The following ADARB1 variants were observed in gnomAD, a reference collection of about 807,000 sequenced individuals.
The protein encoded by ADARB1 is double-stranded RNA-specific editase 1.
In ADARB1, 10 loss-of-function variants were observed where a neutral mutation model predicts 52.4. The ratio of observed to expected loss-of-function variants is 0.19; its 90% CI spans 0.12 to 0.32. The LOEUF (loss-of-function observed/expected upper bound fraction) is 0.32. Ranked by LOEUF, ADARB1 falls within the 10% of genes least tolerant of loss-of-function variation. The probability of loss-of-function intolerance (pLI) is 1.00; values close to 1 mark genes in which losing one functional copy is unlikely to be tolerated. For synonymous variants in ADARB1, 349 were observed against 371.1 expected (o/e 0.94, Z 0.68); for missense variants, 643 against 922.3 (o/e 0.70, Z 3.92).
At chr21:45,187,482 A>G (rs1376037064) in intron 8 of ADARB1, among the ~76,000 whole-genome samples, 1 of 152,106 alleles carries the variant, frequency 6.6e-6, no homozygotes, top group Non-Finnish European at 1.5e-5. Flanking sequence ...CTTCCTTTCC[A>G]TTTTGGATGC....
intron 2 of ADARB1, among the ~76,000 whole-genome samples, chr21:45,162,496 C>T (rs1305400891): frequency 4.6e-5 from 7 of 152,142 alleles, no homozygotes; most frequent in Non-Finnish European, 8.8e-5. Context: ...AGAATGAGCC[C>T]AGCAGGCCCA....
At chr21:45,114,787 A>T (rs764715551) in intron 1 of ADARB1, among the ~76,000 whole-genome samples, 1 of 152,218 alleles carries the variant, frequency 6.6e-6, no homozygotes, top group Non-Finnish European at 1.5e-5. Flanking sequence ...TGCTGCAGCC[A>T]TCTGCAGCAG....
chr21:45,079,756 G>T (rs192875253), intron 1 of ADARB1, among the ~76,000 whole-genome samples: 1 of 152,334 alleles, frequency 6.6e-6, no homozygotes, highest in East Asian at 1.9e-4. Context: ...TTATTTTTAT[G>T]ATTAGTTATC....
chr21:45,222,013 C>T lies in ADARB1; in HGVS notation c.1927-5C>T, dbSNP rs1013094511. 2 of 1,613,090 alleles carry T rather than the reference C, an allele frequency of 1.2e-6. No homozygotes were observed. The highest frequency in any genetic ancestry group is 1.7e-6 in the Non-Finnish European group (2 of 1,179,580). On this transcript the variant is annotated splice_region_variant and splice_polypyrimidine_tract_variant and intron_variant, in intron 10 of 10. Coordinates refer to ENST00000348831, the MANE Select transcript of ADARB1 (RefSeq NM_001112.4). ...AGTTGCATTTGTTTTTTTATCCCTT[C>T]ACAGGTTCCCTCCCACTTACTACGC...
intron 2 of ADARB1, among the ~76,000 whole-genome samples, chr21:45,143,685 G>A (rs2089856409): frequency 6.6e-6 from 1 of 152,212 alleles, no homozygotes; most frequent in Admixed American, 6.5e-5. Flanking sequence ...CAGACTGGCT[G>A]CCTGGCTGTT....
intron 1 of ADARB1, among the ~76,000 whole-genome samples, chr21:45,085,937 G>A (rs2086323830): frequency 6.6e-6 from 1 of 152,172 alleles, no homozygotes. Flanking sequence ...CCATAGGCAC[G>A]TGTTATGTGT....
At chr21:45,084,395 T>C (rs1193658479) in intron 1 of ADARB1, among the ~76,000 whole-genome samples, 1 of 151,496 alleles carries the variant, frequency 6.6e-6, no homozygotes, top group Non-Finnish European at 1.5e-5. Flanking sequence ...TGGAAAGAGG[T>C]GAGGTATAGG....
At chr21:45,126,482 T>G (rs2088590723) in intron 1 of ADARB1, among the ~76,000 whole-genome samples, 1 of 152,204 alleles carries the variant, frequency 6.6e-6, no homozygotes, top group Non-Finnish European at 1.5e-5. Flanking sequence ...TACTGTGATC[T>G]TAGTCACGGG....
chr21:45,077,788 T>C (rs2086002893), intron 1 of ADARB1, among the ~76,000 whole-genome samples: 1 of 152,250 alleles, frequency 6.6e-6, no homozygotes, highest in African/African-American at 2.4e-5. Context: ...ACCCATATTA[T>C]TTTGTATGTT....
intron 2 of ADARB1, among the ~76,000 whole-genome samples, chr21:45,159,553 CT>C (rs2090852030): frequency 6.6e-6 from 1 of 152,186 alleles, no homozygotes; most frequent in South Asian, 2.1e-4. Context: ...ATATTTTTGT[CT>C]TACTATGACC....
intron 1 of ADARB1, among the ~76,000 whole-genome samples, chr21:45,096,940 C>T (rs1018388768): frequency 2.6e-5 from 4 of 152,254 alleles, no homozygotes; most frequent in African/African-American, 4.8e-5. Flanking sequence ...GGGGTTTCAC[C>T]GTGTTAGTCA....
chr21:45,140,664 C>T (rs948794874), intron 2 of ADARB1, among the ~76,000 whole-genome samples: 2 of 152,034 alleles, frequency 1.3e-5, no homozygotes, highest in Admixed American at 6.6e-5. Flanking sequence ...TTCCAGTGTG[C>T]GTCCAGAAGC....
At chr21:45,202,246 G>C (rs1400981785) in intron 8 of ADARB1, among the ~76,000 whole-genome samples, 1 of 152,164 alleles carries the variant, frequency 6.6e-6, no homozygotes, top group Admixed American at 6.5e-5. Flanking sequence ...CCAGAAGTCA[G>C]GTCCTATATC....
intron 2 of ADARB1, among the ~76,000 whole-genome samples, chr21:45,147,703 C>T (rs1312574211): frequency 3.3e-5 from 5 of 152,204 alleles, no homozygotes; most frequent in African/African-American, 1.2e-4. Flanking sequence ...AGCTGTGGGT[C>T]GTGCCCCGCG....
chr21:45,164,433 A>T (rs1601708623), intron 2 of ADARB1, among the ~76,000 whole-genome samples: 1 of 151,442 alleles, frequency 6.6e-6, no homozygotes, highest in Non-Finnish European at 1.5e-5. Context: ...GGTGGAGGAG[A>T]CCGAGCCTGC....
chr21:45,212,635 A>C (rs1158716570), intron 9 of ADARB1, among the ~76,000 whole-genome samples: 1 of 152,036 alleles, frequency 6.6e-6, no homozygotes, highest in Non-Finnish European at 1.5e-5. Flanking sequence ...ACGGTGTTGG[A>C]GCTCTGAGTT....
At position 45,220,243 on chromosome 21, in the gene ADARB1, A is replaced by G. The variant is rs1028142832; in HGVS notation, c.1748-593A>G. ...TTTGAAATCCATGAGGTTTTTTCAT[A>G]ATAAGCATTTTCCATGAACTTTTTC... is the stretch of plus-strand genomic sequence containing the variant. On this transcript the variant is annotated intron_variant, in intron 9 of 10. Coordinates refer to ENST00000348831, the MANE Select transcript of ADARB1 (RefSeq NM_001112.4). The surrounding 1 kb of genome is among the most constrained non-coding windows in gnomAD (Gnocchi z 6.3). Among the ~76,000 whole-genome samples, 5 of 152,152 alleles carry G rather than the reference A, an allele frequency of 3.3e-5. No individual in the cohort carries two copies. The highest frequency in any genetic ancestry group is 1.2e-4 in the African/African-American group (5 of 41,436).
chr21:45,194,660 T>G (rs757559690), intron 8 of ADARB1, among the ~76,000 whole-genome samples: 6 of 152,244 alleles, frequency 3.9e-5, no homozygotes, highest in Non-Finnish European at 8.8e-5. Flanking sequence ...TTTTCCAGAA[T>G]GTGATCTAGT....
At chr21:45,106,395 C>T (rs2087259990) in intron 1 of ADARB1, among the ~76,000 whole-genome samples, 1 of 152,154 alleles carries the variant, frequency 6.6e-6, no homozygotes, top group African/African-American at 2.4e-5. Flanking sequence ...CATCATGTCT[C>T]TAAGGCCATC....
Sources: gnomAD v4.1 joint callset for allele counts (sites outside exome capture counted in the v4.1 genomes callset) on GRCh38, gnomAD v4.1.1 for gene constraint, Gnocchi (gnomAD v3.1) non-coding constraint, MANE v1.5 for transcripts, NCBI Gene and HGNC (gene_info 2026-07-23, HGNC 2026-07-21) for gene names.